INTS6: variants seen among roughly 807,000 people sequenced by gnomAD.
INTS6 encodes integrator complex subunit 6.
INTS6 carries 16 observed loss-of-function variants against 104.9 expected under a neutral mutation model. That is an observed-to-expected ratio of 0.15 (90% confidence interval 0.10 to 0.23). INTS6 has a LOEUF of 0.23. INTS6 is among the 10% of genes least tolerant of loss of function. INTS6 has a pLI of 1.00. For missense variants in INTS6, 584 were observed against 1,062.8 expected (o/e 0.55, Z 6.26); for synonymous variants, 324 against 358.7 (o/e 0.90, Z 1.09).
the INTS6 span, among the ~76,000 whole-genome samples, chr13:51,343,033 T>C: frequency 6.6e-6 from 1 of 152,138 alleles, no homozygotes; most frequent in Admixed American, 6.5e-5. Context: ...CTGGGGACCC[T>C]GGCCAGGGTG....
At chr13:51,360,088 C>T (rs1014174097), downstream of INTS6, among the ~76,000 whole-genome samples, 21 of 152,072 alleles carry the variant, frequency 1.4e-4, no homozygotes, top group African/African-American at 4.3e-4. Flanking sequence ...TGGAATGCCG[C>T]ATATTCTTTA....
downstream of INTS6, among the ~76,000 whole-genome samples, chr13:51,360,481 C>A (rs1955555885): frequency 6.6e-6 from 1 of 152,010 alleles, no homozygotes; most frequent in Non-Finnish European, 1.5e-5. Flanking sequence ...TCATTTTTTA[C>A]TGTGTCATCA....
the INTS6 span, among the ~76,000 whole-genome samples, chr13:51,343,698 C>T: frequency 8.5e-3 from 1,291 of 152,308 alleles, 16 homozygotes; most frequent in African/African-American, 0.029. Flanking sequence ...AAATTGAAAG[C>T]ATAGTTCTAC....
At chr13:51,436,189 T>C (rs1010633745) in intron 3 of INTS6, among the ~76,000 whole-genome samples, 1 of 152,094 alleles carries the variant, frequency 6.6e-6, no homozygotes, top group Non-Finnish European at 1.5e-5. Flanking sequence ...AAGTAAACAA[T>C]TGGGTAACTT....
At chr13:51,379,855 A>C (rs1394285510) in intron 10 of INTS6, among the ~76,000 whole-genome samples, 3 of 152,086 alleles carry the variant, frequency 2.0e-5, no homozygotes, top group Admixed American at 6.5e-5. Context: ...GTTTGGAATA[A>C]ATGGACAGAA....
At chr13:51,341,476 C>T in the INTS6 span, 2 of 900,576 alleles carry the variant, frequency 2.2e-6, no homozygotes, top group South Asian at 1.7e-5. Context: ...CTCACACTCA[C>T]TCTCTCCAGC....
chr13:51,344,292 A>G, the INTS6 span: 2 of 1,613,904 alleles, frequency 1.2e-6, no homozygotes, highest in Non-Finnish European at 1.7e-6. Flanking sequence ...TTTATGCCAC[A>G]CTACCCACCT....
At position 51,441,277 on chromosome 13, in the gene INTS6, C is replaced by G. The variant is rs1226321075; in HGVS notation, c.339+9748G>C. 9 of 152,158 alleles carry G rather than the reference C, an allele frequency of 5.9e-5. No homozygotes were observed. The East Asian group carries it at 1.7e-3, about 29-fold the overall frequency. 9.4% of individuals were successfully genotyped at this position (152,158 alleles called of 1,614,324 possible). A position where few individuals can be genotyped will look rare whatever the true frequency, so the allele number is the denominator to read the frequency against. ...AAAAACCTCTAGTACCCCATAATTT[C>G]AATTTTTAAAATTCAAATAAGAGAA... On this transcript the variant is annotated intron_variant, in intron 3 of 17. Coordinates refer to ENST00000311234, the MANE Select transcript of INTS6 (RefSeq NM_012141.3).
chr13:51,408,813 T>C (rs1162878283), intron 4 of INTS6, among the ~76,000 whole-genome samples: 2 of 152,238 alleles, frequency 1.3e-5, no homozygotes, highest in Non-Finnish European at 2.9e-5. Flanking sequence ...ATGAGTTACC[T>C]TGCTTTAATC....
intron 4 of INTS6, among the ~76,000 whole-genome samples, chr13:51,405,839 T>G (rs1289994966): frequency 6.6e-6 from 1 of 152,206 alleles, no homozygotes; most frequent in Non-Finnish European, 1.5e-5. Context: ...CTGGGGCTTA[T>G]GTAACAAACT....
Position 51,361,985 on chromosome 13 carries a change from G to C in INTS6, c.*3767C>G, listed in dbSNP as rs561201135. Reference sequence around the variant, plus strand: ...TTGTCCACTATCCCCTCAAAAATAAGCATTCTTTCTAGCTGTTTTTATGGT... The same window carrying C: ...TTGTCCACTATCCCCTCAAAAATAACCATTCTTTCTAGCTGTTTTTATGGT... On this transcript the variant is annotated 3_prime_UTR_variant, in exon 18 of 18. Transcript: ENST00000311234. The C allele has an allele frequency of 3.6e-5, 58 of 1,610,428 alleles. No homozygotes were observed. The highest frequency in any genetic ancestry group is 4.3e-5 in the Non-Finnish European group (51 of 1,178,098).
chr13:51,451,947 G>A (rs959718522), intron 2 of INTS6, 31 bp downstream of exon 2: 2 of 1,567,420 alleles, frequency 1.3e-6, no homozygotes, highest in South Asian at 1.1e-5. Flanking sequence ...GGGAAGGGAA[G>A]GGAGGAAAGG....
At chr13:51,447,100 TTG>T (rs1566255371) in intron 3 of INTS6, 2 of 152,230 alleles carry the variant, frequency 1.3e-5, no homozygotes, top group Admixed American at 6.5e-5. Flanking sequence ...CTATTCATCA[TTG>T]TGTTTCCAGT....
chr13:51,357,458 AC>A (rs1188030428), downstream of INTS6, among the ~76,000 whole-genome samples: 3 of 152,158 alleles, frequency 2.0e-5, no homozygotes, highest in Admixed American at 1.3e-4. Context: ...ACGAGGGATT[AC>A]CAAGCAGTTT....
the INTS6 span, among the ~76,000 whole-genome samples, chr13:51,336,943 C>T: frequency 6.6e-6 from 1 of 152,258 alleles, no homozygotes; most frequent in Non-Finnish European, 1.5e-5. Context: ...GCCGGGACAG[C>T]AGGAAGCCCA....
chr13:51,452,292 G>A lies in INTS6; in HGVS notation c.111+123C>T. ...GCCCGCCCGCGCGGTGGGGGAGGGG[G>A]TCCCCGAGCCCGGCAGCTCCCGCAG... is the stretch of plus-strand genomic sequence containing the variant. On this transcript the variant is annotated intron_variant, in intron 1 of 17. Coordinates refer to ENST00000311234, the MANE Select transcript of INTS6 (RefSeq NM_012141.3). The surrounding 1 kb of genome is among the most constrained non-coding windows in gnomAD (Gnocchi z 4.2). 2.9e-6 allele frequency: 3 copies of A among 1,042,296 alleles called. No homozygotes were observed. Among genetic ancestry groups the A allele is most frequent in the Non-Finnish European group, 3.6e-6 (3 of 834,060 alleles). The allele number at this position is 1,042,296 out of a possible 1,614,324, so 64.6% of individuals were successfully genotyped here. A position where few individuals can be genotyped will look rare whatever the true frequency, so the allele number is the denominator to read the frequency against.
chr13:51,359,004 T>C (rs1208872414), downstream of INTS6, among the ~76,000 whole-genome samples: 1 of 152,106 alleles, frequency 6.6e-6, no homozygotes, highest in Non-Finnish European at 1.5e-5. Flanking sequence ...TTAGCAGCTC[T>C]AAGAAGTCCC....
rs201277531 is a variant in INTS6 at position 51,429,785 on chromosome 13, AATATAT to A, written c.429+503_429+508del. Reference sequence around the variant, plus strand: ...TCTCAAAAAAAAAAAAAAAAAAAAAAATATATATATATATATATATATATGTATAAT... The same window carrying A: ...TCTCAAAAAAAAAAAAAAAAAAAAAAATATATATATATATATATGTATAAT... On this transcript the variant is annotated intron_variant, in intron 4 of 17. Coordinates refer to ENST00000311234, the MANE Select transcript of INTS6 (RefSeq NM_012141.3). Among the ~76,000 whole-genome samples, 488 of 92,182 alleles carry A rather than the reference AATATAT, an allele frequency of 5.3e-3. 12 individuals are homozygous for A. The highest frequency in any genetic ancestry group is 7.5e-3 in the Middle Eastern group (1 of 134). 60.5% of individuals were successfully genotyped at this position (92,182 alleles called of 152,430 possible).
intron 4 of INTS6, among the ~76,000 whole-genome samples, chr13:51,427,579 G>T (rs1593750294): frequency 1.3e-5 from 2 of 152,052 alleles, no homozygotes; most frequent in East Asian, 3.9e-4. Context: ...AGTCTCGTTG[G>T]TACATTAAGA....
Sources: allele counts gnomAD v4.1 joint callset (sites outside exome capture counted in the v4.1 genomes callset), GRCh38; gene constraint gnomAD v4.1.1; non-coding constraint Gnocchi (gnomAD v3.1); transcripts MANE v1.5; gene names NCBI Gene and HGNC (gene_info 2026-07-23, HGNC 2026-07-21).